Variants in TOPAZ1 observed in about 807,000 individuals in gnomAD.
TOPAZ1 encodes the protein testis and ovary specific TOPAZ 1, also known as protein TOPAZ1.
In TOPAZ1, 66 loss-of-function variants were observed where a neutral mutation model predicts 172.2. The observed-to-expected ratio is 0.38, with a 90% CI of 0.31 to 0.47. TOPAZ1 has a LOEUF of 0.47. TOPAZ1 is among the 20% of genes least tolerant of loss of function. The pLI is 0.99. For missense variants in TOPAZ1, 1,822 were observed against 1,972.4 expected, an observed-to-expected ratio of 0.92 and a Z score of 1.44; for synonymous variants, 681 against 683.9, an observed-to-expected ratio of 1.00 and a Z score of 0.07.
chr3:44,249,236 TG>T (rs1291023188), intron 2 of TOPAZ1, among the ~76,000 whole-genome samples: 1 of 129,830 alleles, frequency 7.7e-6, no homozygotes, highest in Non-Finnish European at 1.6e-5. Context: ...ACTATATAGT[TG>T]GGGGGAAGGG....
intron 4 of TOPAZ1, among the ~76,000 whole-genome samples, chr3:44,256,750 C>A (rs1699708210): frequency 6.6e-6 from 1 of 152,072 alleles, no homozygotes. Context: ...AAAGTACTAA[C>A]CCTTTACAAA....
Position 44,244,599 on chromosome 3 carries a change from A to G in TOPAZ1, c.2093A>G (p.Lys698Arg), listed in dbSNP as rs536415219. Residue 698 changes from lysine (K) to arginine (R), a missense_variant, in exon 2 of 20, where the codon AAA (lysine) becomes AGA (arginine). Around this residue, in one of 2 missense-constraint regions of TOPAZ1, gnomAD observed 1,489 missense variants for 1,490.8 expected, o/e 1.00. Coordinates refer to ENST00000309765, the MANE Select transcript of TOPAZ1 (RefSeq NM_001145030.2). ...KIPLLKNKSE[K>R]RKEVNAKSSE... is the part of the protein sequence containing the mutation. ...CCTTTACTTAAGAATAAATCAGAAA[A>G]AAGAAAAGAAGTAAATGCCAAGTCA... is the stretch of plus-strand genomic sequence containing the variant. 13 of 1,550,626 alleles carry G rather than the reference A, an allele frequency of 8.4e-6. No individual in the cohort carries two copies. The South Asian group carries it at 1.6e-4, about 19-fold the overall frequency.
chr3:44,248,792 T>C (rs1184379306), intron 2 of TOPAZ1, among the ~76,000 whole-genome samples: 5 of 152,208 alleles, frequency 3.3e-5, no homozygotes, highest in African/African-American at 1.2e-4. Flanking sequence ...GCCCATATAT[T>C]GTCAGAAACT....
downstream of TOPAZ1, among the ~76,000 whole-genome samples, chr3:44,335,582 C>T (rs912079412): frequency 6.6e-6 from 1 of 152,096 alleles, no homozygotes. Context: ...CAAGGTCATG[C>T]CATTGCACTC....
At chr3:44,298,907 ATATT>A (rs1700232392) in intron 12 of TOPAZ1, among the ~76,000 whole-genome samples, 1 of 13,540 alleles carries the variant, frequency 7.4e-5, no homozygotes, top group African/African-American at 4.1e-4. Context: ...ATATATATAT[ATATT>A]TTTTTTTTTT....
chr3:44,303,277 G>A (rs1194307126), intron 12 of TOPAZ1, among the ~76,000 whole-genome samples: 2 of 151,934 alleles, frequency 1.3e-5, no homozygotes, highest in African/African-American at 4.8e-5. Context: ...CTCATAGTTA[G>A]GTATTACATA....
intron 16 of TOPAZ1, among the ~76,000 whole-genome samples, chr3:44,313,220 A>G (rs1185410354): frequency 2.0e-5 from 3 of 152,168 alleles, no homozygotes; most frequent in Non-Finnish European, 1.5e-5. Context: ...TTCTGATGGA[A>G]TTGCTGTGTT....
intron 9 of TOPAZ1, among the ~76,000 whole-genome samples, chr3:44,282,848 G>A (rs1409700652): frequency 6.6e-6 from 1 of 152,060 alleles, no homozygotes; most frequent in Non-Finnish European, 1.5e-5. Context: ...AGGATTAAAG[G>A]AAACACCTAA....
chr3:44,247,310 A>G (rs1365092407), intron 2 of TOPAZ1, among the ~76,000 whole-genome samples: 1 of 152,204 alleles, frequency 6.6e-6, no homozygotes, highest in Non-Finnish European at 1.5e-5. Flanking sequence ...GAATTAATAT[A>G]TTTCTTTACC....
At chr3:44,265,979 G>T (rs942946075) in intron 5 of TOPAZ1, among the ~76,000 whole-genome samples, 1 of 152,192 alleles carries the variant, frequency 6.6e-6, no homozygotes, top group African/African-American at 2.4e-5. Context: ...TCAGTTTGTT[G>T]TAGCTTCCTT....
chr3:44,314,720 G>T (rs369386505), intron 16 of TOPAZ1, among the ~76,000 whole-genome samples: 2 of 152,062 alleles, frequency 1.3e-5, no homozygotes, highest in Non-Finnish European at 2.9e-5. Context: ...TAAGACAGGG[G>T]TTCTCAACCT....
intron 18 of TOPAZ1, among the ~76,000 whole-genome samples, chr3:44,324,882 A>G (rs780461374): frequency 5.9e-5 from 9 of 152,184 alleles, no homozygotes; most frequent in South Asian, 2.1e-4. Context: ...TGTTAAAGCA[A>G]TTAATGCCTG....
At chr3:44,292,316 C>A (rs1407944075) in intron 12 of TOPAZ1, among the ~76,000 whole-genome samples, 1 of 152,132 alleles carries the variant, frequency 6.6e-6, no homozygotes, top group African/African-American at 2.4e-5. Flanking sequence ...AAGTATAATT[C>A]ATCCAGCATG....
At position 44,309,985 on chromosome 3, in the gene TOPAZ1, T is replaced by TG. The variant is rs1279614691; in HGVS notation, c.4302dup (p.Arg1435GlufsTer15). 7 of 1,548,296 alleles carry TG rather than the reference T, an allele frequency of 4.5e-6. No individual in the cohort carries two copies. The highest frequency in any genetic ancestry group is 6.1e-6 in the Non-Finnish European group (7 of 1,146,136). ...AGCCTAGATGGTGCCATTTGGGTAA[T>TG]GAGGGGTAAGTCCTGATATATGCAA... On this transcript the variant is annotated frameshift_variant, in exon 16 of 20. Transcript: ENST00000309765. LOFTEE classifies it high-confidence loss of function.
At chr3:44,300,125 TAAAA>T (rs1345499250) in intron 12 of TOPAZ1, among the ~76,000 whole-genome samples, 1 of 148,314 alleles carries the variant, frequency 6.7e-6, no homozygotes, top group African/African-American at 2.5e-5. Context: ...AATAAATAAA[TAAAA>T]AATAAAAAAA....
chr3:44,270,905 G>A (rs1221171264), intron 8 of TOPAZ1, 95 bp downstream of exon 8: 2 of 1,177,686 alleles, frequency 1.7e-6, no homozygotes, highest in Non-Finnish European at 2.3e-6. Flanking sequence ...TAATAGCATA[G>A]ATGTGAGTTT....
At chr3:44,276,210 T>A (rs996730088) in intron 8 of TOPAZ1, among the ~76,000 whole-genome samples, 10 of 152,210 alleles carry the variant, frequency 6.6e-5, no homozygotes, top group African/African-American at 2.4e-4. Context: ...CCATTTGTCT[T>A]ATTTTTTGTT....
chr3:44,303,479 C>CTTTTT (rs34565826), intron 12 of TOPAZ1, among the ~76,000 whole-genome samples: 16 of 109,942 alleles, frequency 1.5e-4, no homozygotes, highest in Non-Finnish European at 1.8e-4. Flanking sequence ...TGCTTGCTTG[C>CTTTTT]TTTTTTTTTT....
In TOPAZ1 at chr3:44,243,919, A is replaced by C; in HGVS notation, c.1413A>C (p.Leu471Phe). Residue 471 changes from leucine (L) to phenylalanine (F), a missense_variant, in exon 2 of 20, where the codon TTA becomes TTC. Physicochemically the swap from Leu to Phe is conservative, Grantham distance 22. Around this residue, in one of 2 missense-constraint regions of TOPAZ1, gnomAD observed 1,489 missense variants for 1,490.8 expected, o/e 1.00. Coordinates refer to ENST00000309765, the MANE Select transcript of TOPAZ1 (RefSeq NM_001145030.2). ...AAAGGAGATCTTCACGGGAAGACTTAAGAAGTGCATCTGAAGAATTGAAGT... is the reference window on the plus strand; with the variant it reads ...AAAGGAGATCTTCACGGGAAGACTTCAGAAGTGCATCTGAAGAATTGAAGT... The part of the protein sequence containing the change: ...HIERRSSRED[L>F]RSASEELKLS... 1.3e-6 allele frequency: 2 copies of C among 1,552,316 alleles called. No homozygotes were observed. Among genetic ancestry groups the C allele is most frequent in the Non-Finnish European group, 1.7e-6 (2 of 1,147,080 alleles).
Sources: allele counts gnomAD v4.1 joint callset (sites outside exome capture counted in the v4.1 genomes callset), GRCh38; gene constraint gnomAD v4.1.1; regional missense constraint gnomAD v4.1.1; transcripts MANE v1.5; gene names NCBI Gene and HGNC (gene_info 2026-07-23, HGNC 2026-07-21).